Variants in BMPR1B observed in about 807,000 individuals in gnomAD.
The protein encoded by BMPR1B is bone morphogenetic protein receptor type 1B.
Under a neutral mutation model 59.1 loss-of-function variants are expected in BMPR1B, and 12 were observed. The observed-to-expected ratio is 0.20, with a 90% CI of 0.13 to 0.33. BMPR1B has a LOEUF of 0.33. Among genes scored for constraint, BMPR1B ranks in the 10% least tolerant of loss-of-function variants. The probability of loss-of-function intolerance (pLI) is 1.00; values close to 1 mark genes in which losing one functional copy is unlikely to be tolerated. For synonymous variants in BMPR1B, 237 were observed against 207.3 expected (o/e 1.14, Z -1.23); for missense variants, 550 against 610.9 (o/e 0.90, Z 1.05).
intron 3 of BMPR1B, among the ~76,000 whole-genome samples, chr4:95,026,474 G>C (rs1232170169): frequency 1.3e-5 from 2 of 151,358 alleles, no homozygotes; most frequent in Non-Finnish European, 2.9e-5. Context: ...ATAATTACTA[G>C]TACTTTTTAT....
At chr4:95,115,188 G>A (rs923054541) in intron 5 of BMPR1B, among the ~76,000 whole-genome samples, 5 of 152,074 alleles carry the variant, frequency 3.3e-5, no homozygotes, top group Non-Finnish European at 5.9e-5. Flanking sequence ...TTGTGCAAGT[G>A]TACTCTGTGA....
At chr4:94,960,196 C>T (rs1242988892) in intron 2 of BMPR1B, among the ~76,000 whole-genome samples, 4 of 152,048 alleles carry the variant, frequency 2.6e-5, no homozygotes, top group Non-Finnish European at 4.4e-5. Context: ...CAAATTATTT[C>T]GATAAAAGAA....
intron 3 of BMPR1B, among the ~76,000 whole-genome samples, chr4:95,082,913 C>T (rs1351130387): frequency 6.6e-6 from 1 of 151,564 alleles, no homozygotes; most frequent in Non-Finnish European, 1.5e-5. Context: ...TGGCGGGCGC[C>T]TGTAGTCCCA....
At chr4:94,901,841 T>G (rs981953458) in intron 2 of BMPR1B, among the ~76,000 whole-genome samples, 2 of 152,012 alleles carry the variant, frequency 1.3e-5, no homozygotes, top group Non-Finnish European at 2.9e-5. Flanking sequence ...CTGGAGGGAC[T>G]CTTCTCCTGA....
At chr4:94,855,801 A>G (rs367593512) in intron 1 of BMPR1B, among the ~76,000 whole-genome samples, 2 of 151,804 alleles carry the variant, frequency 1.3e-5, no homozygotes, top group Non-Finnish European at 2.9e-5. Context: ...AGTTAATCAA[A>G]TTCTTGTGCT....
In BMPR1B at chr4:94,906,741, A is replaced by C. The variant is rs574292562; in HGVS notation, c.-113+30841A>C. Among the ~76,000 whole-genome samples the C allele has an allele frequency of 9.9e-5, 15 of 152,178 alleles. No homozygotes were observed. The East Asian group carries it at 2.9e-3, about 29-fold the overall frequency. Reference sequence around the variant, plus strand: ...TTGAAGTAAACACTTGAAGACAATCATATATTTAGGGTAGTGAAGACTACT... The same window carrying C: ...TTGAAGTAAACACTTGAAGACAATCCTATATTTAGGGTAGTGAAGACTACT... On this transcript the variant is annotated intron_variant, in intron 2 of 12. Transcript: ENST00000515059.
intron 1 of BMPR1B, among the ~76,000 whole-genome samples, chr4:94,805,177 G>C (rs1723560548): frequency 6.6e-6 from 1 of 152,186 alleles, no homozygotes; most frequent in African/African-American, 2.4e-5. Flanking sequence ...ACCATATTTA[G>C]AAGCAGAGGA....
At chr4:94,997,772 T>A (rs891628131) in intron 3 of BMPR1B, among the ~76,000 whole-genome samples, 15 of 152,330 alleles carry the variant, frequency 9.8e-5, no homozygotes, top group African/African-American at 3.6e-4. Context: ...AGTTCATCAA[T>A]CAATTTTTAT....
rs572822442 is a variant in BMPR1B, at chr4:94,992,576, A to G, written c.-112-3464A>G. Among the ~76,000 whole-genome samples the G allele has an allele frequency of 4.1e-4, 62 of 152,354 alleles. No homozygotes were observed. The South Asian group carries it at 0.012, about 30-fold the overall frequency. Reference sequence around the variant, plus strand: ...TGTTGTTTTTAGTGTTAGAGATAATATTTCCAAAGCCCCTTTTGGACAGTC... The same window carrying G: ...TGTTGTTTTTAGTGTTAGAGATAATGTTTCCAAAGCCCCTTTTGGACAGTC... On this transcript the variant is annotated intron_variant, in intron 2 of 12. Transcript: ENST00000515059.
chr4:94,787,995 A>G (rs1722827587), intron 1 of BMPR1B, among the ~76,000 whole-genome samples: 2 of 152,168 alleles, frequency 1.3e-5, no homozygotes, highest in South Asian at 2.1e-4. Context: ...GTGGGGTTCA[A>G]TGTGGTATAT....
intron 4 of BMPR1B, among the ~76,000 whole-genome samples, chr4:95,112,768 T>A (rs984846763): frequency 6.6e-6 from 1 of 152,120 alleles, no homozygotes. Context: ...TGATGTTTCT[T>A]TAAATTTCCT....
intron 3 of BMPR1B, among the ~76,000 whole-genome samples, chr4:95,049,239 C>T (rs549562060): frequency 6.6e-6 from 1 of 151,212 alleles, no homozygotes; most frequent in South Asian, 2.1e-4. Flanking sequence ...TTAGCTTCCC[C>T]AATAATTGGG....
chr4:94,793,946 A>G (rs1237122857), intron 1 of BMPR1B, among the ~76,000 whole-genome samples: 10 of 148,696 alleles, frequency 6.7e-5, no homozygotes, highest in South Asian at 2.1e-4. Context: ...AGGTTGCGAA[A>G]ATTTTCTCCC....
chr4:95,039,421 C>CTT (rs35591365), intron 3 of BMPR1B, among the ~76,000 whole-genome samples: 8,834 of 140,890 alleles, frequency 0.063, 358 homozygotes, highest in African/African-American at 0.1. Context: ...TTTACTTCTT[C>CTT]TTTTTTTTTT....
At chr4:94,759,007 C>T (rs1028357334) in intron 1 of BMPR1B, among the ~76,000 whole-genome samples, 4 of 152,172 alleles carry the variant, frequency 2.6e-5, no homozygotes, top group East Asian at 1.9e-4. Context: ...TCTCTCTGCT[C>T]GTCCCTCTTT....
intron 2 of BMPR1B, among the ~76,000 whole-genome samples, chr4:94,979,327 A>G (rs1337658889): frequency 3.3e-5 from 5 of 152,230 alleles, no homozygotes; most frequent in Non-Finnish European, 2.9e-5. Flanking sequence ...ATGTTGACAG[A>G]CACAGAATCT....
At chr4:94,773,029 C>T (rs936119969) in intron 1 of BMPR1B, among the ~76,000 whole-genome samples, 3 of 151,986 alleles carry the variant, frequency 2.0e-5, no homozygotes, top group Admixed American at 1.3e-4. Flanking sequence ...AATAATTTTT[C>T]GTTTGTAATT....
At chr4:94,793,211 C>T (rs1196132070) in intron 1 of BMPR1B, among the ~76,000 whole-genome samples, 1 of 151,478 alleles carries the variant, frequency 6.6e-6, no homozygotes, top group Admixed American at 6.6e-5. Context: ...TATTCCCCTT[C>T]CTGTGTCCAT....
intron 2 of BMPR1B, among the ~76,000 whole-genome samples, chr4:94,987,056 A>G (rs1408511614): frequency 4.1e-5 from 6 of 144,624 alleles, no homozygotes; most frequent in South Asian, 2.1e-4. Flanking sequence ...AAATATATAT[A>G]TATATAATAT....
Sources: allele counts gnomAD v4.1 joint callset (sites outside exome capture counted in the v4.1 genomes callset), GRCh38; gene constraint gnomAD v4.1.1; transcripts MANE v1.5; gene names NCBI Gene and HGNC (gene_info 2026-07-23, HGNC 2026-07-21).